The following BMPR2 variants were observed in gnomAD, a reference collection of about 807,000 sequenced individuals.
BMPR2 encodes the protein bone morphogenetic protein receptor type 2, also known as bone morphogenetic protein receptor type-2.
In BMPR2, 29 loss-of-function variants were observed where a neutral mutation model predicts 100.8. The ratio of observed to expected loss-of-function variants is 0.29; its 90% confidence interval spans 0.21 to 0.39. The LOEUF (loss-of-function observed/expected upper bound fraction) is 0.39, where lower values mean the gene tolerates loss of function less well. Ranked by LOEUF, BMPR2 falls within the 10% of genes least tolerant of loss-of-function variation. The pLI is 1.00. For missense variants in BMPR2, 1,011 were observed against 1,274.5 expected, an observed-to-expected ratio of 0.79 and a Z score of 3.15; for synonymous variants, 382 against 442.3, an observed-to-expected ratio of 0.86 and a Z score of 1.71.
At chr2:202,516,755 G>A (rs1358810040) in intron 5 of BMPR2, among the ~76,000 whole-genome samples, 1 of 152,116 alleles carries the variant, frequency 6.6e-6, no homozygotes, top group Non-Finnish European at 1.5e-5. Context: ...AGAAATACTA[G>A]TTAACCCATG....
Position 202,555,657 on chromosome 2 carries a change from A to G in BMPR2, c.1992A>G (p.Glu664=). The G allele has an allele frequency of 1.2e-6, 2 of 1,614,178 alleles. No homozygotes were observed. The highest frequency in any genetic ancestry group is 1.7e-6 in the Non-Finnish European group (2 of 1,180,034). ...VCLQLTEEDL[E]TNKLDPKEVD... is the part of the protein sequence containing the mutation. ...TACAGCTGACAGAAGAAGACTTGGAAACCAACAAGCTAGACCCAAAAGAAG... is the reference window on the plus strand; with the variant it reads ...TACAGCTGACAGAAGAAGACTTGGAGACCAACAAGCTAGACCCAAAAGAAG... Residue 664 remains glutamate (E), a synonymous_variant, in exon 12 of 13, where the codon GAA becomes GAG. Transcript: ENST00000374580.
In BMPR2 at chr2:202,448,441, C is replaced by T. The variant is rs1305639784; in HGVS notation, c.77-16368C>T. ...CAGCCTGGGCGACAGAAGGAGACTC[C>T]GTCTCAAAAAAAAAATAAAAATAAA... On this transcript the variant is annotated intron_variant, in intron 1 of 12. Transcript: ENST00000374580. Among the ~76,000 whole-genome samples, 15 of 144,880 alleles carry T rather than the reference C, an allele frequency of 1.0e-4. No homozygotes were observed. The East Asian group carries it at 2.2e-3, about 21-fold the overall frequency.
chr2:202,391,971 G>A (rs1365660182), intron 1 of BMPR2, among the ~76,000 whole-genome samples: 3 of 151,794 alleles, frequency 2.0e-5, no homozygotes, highest in African/African-American at 4.8e-5. Flanking sequence ...CATATTGCCC[G>A]GGATGGTCTC....
chr2:202,380,961 CTTTCTTTTT>C (rs1345242288), intron 1 of BMPR2, among the ~76,000 whole-genome samples: 86 of 100,280 alleles, frequency 8.6e-4, no homozygotes, highest in Admixed American at 1.5e-3. Context: ...GGATTTCTTT[CTTTCTTTTT>C]TTTTTTTTTT....
chr2:202,395,960 C>CA (rs376444893), intron 1 of BMPR2, among the ~76,000 whole-genome samples: 81 of 145,940 alleles, frequency 5.6e-4, no homozygotes, highest in African/African-American at 1.5e-3. Flanking sequence ...AAACAAAAAA[C>CA]AAAAAAAAAA....
rs146918049 is a variant in BMPR2, at chr2:202,546,591, G to GTTTTGT, written c.1413+4167_1413+4172dup. Among the ~76,000 whole-genome samples the GTTTTGT allele has an allele frequency of 1.0e-3, 155 of 152,064 alleles. 1 individual carries two copies. Among genetic ancestry groups the GTTTTGT allele is most frequent in the Middle Eastern group, 6.8e-3 (2 of 294 alleles). ...CTACTTTAACAATCACATACACATG[G>GTTTTGT]TTTTGTTTTTGTTTTTGTTTTTGTT... On this transcript the variant is annotated intron_variant, in intron 10 of 12. Coordinates refer to ENST00000374580, the MANE Select transcript of BMPR2 (RefSeq NM_001204.7).
rs568136148 is a variant in BMPR2 at position 202,376,545 on chromosome 2, G to GGCAGCAGCA, written c.-927_-919dup. 1.4e-5 allele frequency among the ~76,000 whole-genome samples: 2 copies of GGCAGCAGCA among 140,470 alleles called. No homozygotes were observed. The highest frequency in any genetic ancestry group is 3.1e-5 in the Non-Finnish European group (2 of 65,122). The allele number at this position is 140,470 out of a possible 152,430, so 92.2% of individuals were successfully genotyped here. On this transcript the variant is annotated 5_prime_UTR_variant, in exon 1 of 13. Transcript: ENST00000374580. ...CGGCGGCGGCGGCGGCGGCGGCGGC[G>GGCAGCAGCA]GCAGCAGCAGCGGCTTCCTCGGGGG...
chr2:202,481,770 G>T (rs1377332295), intron 3 of BMPR2, among the ~76,000 whole-genome samples: 1 of 152,020 alleles, frequency 6.6e-6, no homozygotes, highest in Non-Finnish European at 1.5e-5. Context: ...AGTGTTTTCT[G>T]TCTTAGTCAA....
At chr2:202,455,893 G>A (rs1026391761) in intron 1 of BMPR2, among the ~76,000 whole-genome samples, 7 of 150,880 alleles carry the variant, frequency 4.6e-5, no homozygotes, top group Middle Eastern at 3.4e-3. Context: ...GTGAAACCCC[G>A]TCTCTACTAA....
rs1487939651 is a variant in BMPR2, at chr2:202,555,435, A to G, written c.1770A>G (p.Glu590=). The G allele has an allele frequency of 6.2e-7, 1 of 1,614,226 alleles. No individual in the cohort carries two copies. The highest frequency in any genetic ancestry group is 8.5e-7 in the Non-Finnish European group (1 of 1,180,036). ...GEKNRNSINY[E]RQQAQARIPS... Reference sequence around the variant, plus strand: ...AAAACCGAAATTCAATTAACTATGAACGACAGCAAGCACAAGCTCGAATCC... The same window carrying G: ...AAAACCGAAATTCAATTAACTATGAGCGACAGCAAGCACAAGCTCGAATCC... Residue 590 remains glutamate (E), a synonymous_variant, in exon 12 of 13, where the codon GAA becomes GAG. Coordinates refer to ENST00000374580, the MANE Select transcript of BMPR2 (RefSeq NM_001204.7).
chr2:202,476,910 G>C (rs1692562956), intron 3 of BMPR2, among the ~76,000 whole-genome samples: 1 of 144,668 alleles, frequency 6.9e-6, no homozygotes, highest in African/African-American at 2.6e-5. Context: ...AACACATTTT[G>C]TATTAGCTGT....
intron 1 of BMPR2, among the ~76,000 whole-genome samples, chr2:202,382,956 A>G (rs1295327598): frequency 6.6e-6 from 1 of 152,202 alleles, no homozygotes; most frequent in South Asian, 2.1e-4. Context: ...AATTTTAGGT[A>G]CCTTTGAGAA....
At chr2:202,526,352 T>C (rs1350913344) in intron 7 of BMPR2, among the ~76,000 whole-genome samples, 1 of 152,254 alleles carries the variant, frequency 6.6e-6, no homozygotes, top group Non-Finnish European at 1.5e-5. Flanking sequence ...ACATCTTTAG[T>C]GAAGAGAACT....
chr2:202,474,976 A>G (rs1257346337), intron 3 of BMPR2: 2 of 152,170 alleles, frequency 1.3e-5, no homozygotes, highest in African/African-American at 4.8e-5. Context: ...ATAATCTCCA[A>G]TAGTCTCTAC....
rs994811083 is a variant in BMPR2, at chr2:202,540,634, C to T, written c.1277-1677C>T. ...GTTGTTTTGAGTATTCAAATAGAAA[C>T]AAAACTTAAATGAAACATAAACTTA... On this transcript the variant is annotated intron_variant, in intron 9 of 12. Coordinates refer to ENST00000374580, the MANE Select transcript of BMPR2 (RefSeq NM_001204.7). 3.3e-5 allele frequency among the ~76,000 whole-genome samples: 5 copies of T among 152,034 alleles called. 1 individual carries two copies. The highest frequency in any genetic ancestry group is 3.3e-4 in the Admixed American group (5 of 15,262).
chr2:202,556,337 G>A lies in BMPR2; in HGVS notation c.2672G>A (p.Arg891Lys), dbSNP rs369825673. The A allele has an allele frequency of 1.2e-6, 2 of 1,614,188 alleles. No individual in the cohort carries two copies. Among genetic ancestry groups the A allele is most frequent in the Non-Finnish European group, 1.7e-6 (2 of 1,180,032 alleles). ...EGVLDRLVDR[R>K]ERPLEGGRTN... Reference sequence around the variant, plus strand: ...GTTCTGGATCGTCTTGTGGACAGGAGGGAACGGCCACTAGAAGGTGGCCGA... The same window carrying A: ...GTTCTGGATCGTCTTGTGGACAGGAAGGAACGGCCACTAGAAGGTGGCCGA... The change falls in exon 12 of 13, where the codon AGG (arginine) becomes AAG (lysine). Residue 891 changes from arginine to lysine, a missense_variant. Around this residue, in one of 6 missense-constraint regions of BMPR2, gnomAD observed 508 missense variants for 552.0 expected, o/e 0.92. Coordinates refer to ENST00000374580, the MANE Select transcript of BMPR2 (RefSeq NM_001204.7).
Position 202,377,074 on chromosome 2 carries a change from C to A in BMPR2, c.-401C>A. Reference sequence around the variant, plus strand: ...GGAACTAGTTCTGACCCTCGCCCCCCGACCCCGGATCGAATCCCCGCCCTC... The same window carrying A: ...GGAACTAGTTCTGACCCTCGCCCCCAGACCCCGGATCGAATCCCCGCCCTC... On this transcript the variant is annotated 5_prime_UTR_variant, in exon 1 of 13. Coordinates refer to ENST00000374580, the MANE Select transcript of BMPR2 (RefSeq NM_001204.7). 1.9e-6 allele frequency: 1 copy of A among 531,938 alleles called. No individual in the cohort carries two copies. The highest frequency in any genetic ancestry group is 2.9e-5 in the South Asian group (1 of 34,698). The allele number at this position is 531,938 out of a possible 1,614,324, so 33.0% of individuals were successfully genotyped here.
intron 1 of BMPR2, among the ~76,000 whole-genome samples, chr2:202,433,312 T>A (rs1691543167): frequency 1.3e-5 from 2 of 150,558 alleles, no homozygotes; most frequent in South Asian, 2.1e-4. Flanking sequence ...CAAGGGGACC[T>A]CAGAAAGTTC....
chr2:202,515,046 A>C (rs1464574110), intron 5 of BMPR2, 67 bp downstream of exon 5: 1 of 1,396,958 alleles, frequency 7.2e-7, no homozygotes, highest in African/African-American at 1.4e-5. Context: ...CAGTGACTTC[A>C]TTCAATCATT....
Sources: gnomAD v4.1 joint callset for allele counts (sites outside exome capture counted in the v4.1 genomes callset) on GRCh38, gnomAD v4.1.1 for gene constraint, gnomAD v4.1.1 regional missense constraint, MANE v1.5 for transcripts, NCBI Gene and HGNC (gene_info 2026-07-23, HGNC 2026-07-21) for gene names.